The following ANKRD11 variants were observed in gnomAD, a reference collection of about 807,000 sequenced individuals.
ANKRD11 encodes the protein ankyrin repeat domain 11, also known as ankyrin repeat domain-containing protein 11.
ANKRD11 carries 17 observed loss-of-function variants against 195.7 expected under a neutral mutation model. The ratio of observed to expected loss-of-function variants is 0.09; its 90% CI spans 0.06 to 0.13. ANKRD11 has a LOEUF of 0.13. Among genes scored for constraint, ANKRD11 ranks in the 10% least tolerant of loss-of-function variants. ANKRD11 has a pLI of 1.00. For synonymous variants in ANKRD11, 1,953 were observed against 1,528.1 expected (o/e 1.28, Z -6.49); for missense variants, 3,735 against 3,566.1 (o/e 1.05, Z -1.21).
At chr16:89,277,314 G>A (rs1056760016) in intron 9 of ANKRD11, among the ~76,000 whole-genome samples, 1 of 152,186 alleles carries the variant, frequency 6.6e-6, no homozygotes, top group Non-Finnish European at 1.5e-5. Context: ...AGCTACAGCA[G>A]GAGCTGTGCC....
At chr16:89,360,275 G>A (rs901993350) in intron 2 of ANKRD11, among the ~76,000 whole-genome samples, 1 of 152,050 alleles carries the variant, frequency 6.6e-6, no homozygotes, top group African/African-American at 2.4e-5. Flanking sequence ...ATCTTATTTT[G>A]TATTAGGGAT....
At chr16:89,458,592 A>C (rs946251002) in intron 1 of ANKRD11, among the ~76,000 whole-genome samples, 6 of 152,158 alleles carry the variant, frequency 3.9e-5, no homozygotes, top group Admixed American at 3.9e-4. Context: ...TTCACTCATG[A>C]TTTTGCAGTT....
intron 2 of ANKRD11, among the ~76,000 whole-genome samples, chr16:89,336,472 G>A (rs944389500): frequency 6.6e-6 from 1 of 152,260 alleles, no homozygotes; most frequent in East Asian, 1.9e-4. Context: ...GGAGGGGCCA[G>A]ACGGAGTCCA....
intron 2 of ANKRD11, among the ~76,000 whole-genome samples, chr16:89,329,209 G>C (rs1056439646): frequency 1.3e-5 from 2 of 152,226 alleles, no homozygotes; most frequent in Non-Finnish European, 2.9e-5. Flanking sequence ...CATGTCTGTC[G>C]GTGGCTGTCG....
intron 3 of ANKRD11, among the ~76,000 whole-genome samples, chr16:89,313,892 C>T (rs1738028377): frequency 6.6e-6 from 1 of 152,196 alleles, no homozygotes; most frequent in Non-Finnish European, 1.5e-5. Flanking sequence ...TGTCTGCCTC[C>T]ATGAGGAAAA....
At chr16:89,418,981 C>G (rs1251030404) in intron 1 of ANKRD11, among the ~76,000 whole-genome samples, 2 of 151,992 alleles carry the variant, frequency 1.3e-5, no homozygotes, top group East Asian at 3.9e-4. Flanking sequence ...CTCGGCCTTC[C>G]AAAGTGTTAG....
chr16:89,435,795 T>TACACAC (rs981045046), intron 1 of ANKRD11, among the ~76,000 whole-genome samples: 2 of 74,324 alleles, frequency 2.7e-5, no homozygotes, highest in African/African-American at 4.8e-5. Flanking sequence ...CCACCAGCTC[T>TACACAC]TCACACACAC....
intron 1 of ANKRD11, among the ~76,000 whole-genome samples, chr16:89,444,076 T>C (rs2043664959): frequency 1.3e-5 from 2 of 152,152 alleles, no homozygotes; most frequent in African/African-American, 2.4e-5. Flanking sequence ...AAAGTTCAAA[T>C]CTGAAATAAA....
At chr16:89,270,742 G>T (rs1013434692) in intron 12 of ANKRD11, 75 bp downstream of exon 12, 3 of 1,453,500 alleles carry the variant, frequency 2.1e-6, no homozygotes, top group Non-Finnish European at 2.9e-6. Context: ...CAGCGCAAAG[G>T]GGGTTGTCAC....
At position 89,279,714 on chromosome 16, in the gene ANKRD11, C is replaced by T. The variant is rs764436784; in HGVS notation, c.6828G>A (p.Pro2276=). 7.9e-5 allele frequency: 120 copies of T among 1,526,952 alleles called. 1 individual carries two copies. The highest frequency in any genetic ancestry group is 7.2e-4 in the South Asian group (60 of 83,128). The allele number at this position is 1,526,952 out of a possible 1,614,324, so 94.6% of individuals were successfully genotyped here. Residue 2276 remains proline (P), a synonymous_variant, in exon 9 of 13, where the codon CCG becomes CCA. Transcript: ENST00000301030. The surrounding 1 kb of genome is among the most constrained non-coding windows in gnomAD (Gnocchi z 5.6). ...CGGCCTGAGCTTGTGCCACAGTGTT[C>T]GGGGCGGGGCCGTCAGGGGCACAGA... The part of the protein sequence containing the change: ...ASLCAPDGPA[P]NTVAQAQAAD...
In ANKRD11 at chr16:89,270,918, A is replaced by G. The variant is rs759061615; in HGVS notation, c.7714-9T>C. On this transcript the variant is annotated splice_polypyrimidine_tract_variant and intron_variant, in intron 11 of 12. Transcript: ENST00000301030. Reference sequence around the variant, plus strand: ...GACTTGTTCTCGTCACCCTGTGGAAACCAAACACGGGAGTTTCATCAGGAG... The same window carrying G: ...GACTTGTTCTCGTCACCCTGTGGAAGCCAAACACGGGAGTTTCATCAGGAG... 4 of 1,613,884 alleles carry G rather than the reference A, an allele frequency of 2.5e-6. No individual in the cohort carries two copies. The highest frequency in any genetic ancestry group is 2.7e-5 in the African/African-American group (2 of 75,034).
chr16:89,440,596 A>C (rs1341755638), intron 1 of ANKRD11, among the ~76,000 whole-genome samples: 4 of 152,214 alleles, frequency 2.6e-5, no homozygotes, highest in Non-Finnish European at 5.9e-5. Context: ...CCTGGATGAC[A>C]CGACAAAACT....
intron 4 of ANKRD11, among the ~76,000 whole-genome samples, chr16:89,304,514 A>ACACACAAG (rs2036051381): frequency 6.6e-6 from 1 of 151,188 alleles, no homozygotes; most frequent in South Asian, 2.1e-4. Flanking sequence ...ATACACAGGC[A>ACACACAAG]CACATACAGG....
intron 1 of ANKRD11, among the ~76,000 whole-genome samples, chr16:89,441,775 A>AC (rs1439531913): frequency 9.7e-6 from 1 of 103,086 alleles, no homozygotes; most frequent in African/African-American, 2.9e-5. Context: ...TACAAAAAAA[A>AC]AAAAAAAAAA....
In ANKRD11 at chr16:89,284,140, TTTTC is replaced by T. The variant is rs797045027; in HGVS notation, c.2398_2401del (p.Glu800AsnfsTer62). 2 of 1,606,956 alleles carry T rather than the reference TTTTC, an allele frequency of 1.2e-6. No individual in the cohort carries two copies. The highest frequency in any genetic ancestry group is 1.7e-6 in the Non-Finnish European group (2 of 1,177,950). On this transcript the variant is annotated frameshift_variant, in exon 9 of 13. Transcript: ENST00000301030. LOFTEE classifies it high-confidence loss of function. ...CCTATAAACCTTTTCTTTTTTGAGT[TTTTC>T]TTTATCTTCTTTAAAAATCTTCTCC... is the stretch of plus-strand genomic sequence containing the variant.
intron 2 of ANKRD11, among the ~76,000 whole-genome samples, chr16:89,407,852 CAAAAAAAAAAAAA>C (rs60723753): frequency 7.2e-5 from 8 of 111,440 alleles, no homozygotes; most frequent in Admixed American, 1.0e-4. Flanking sequence ...TGTCTCCCTC[CAAAAAAAAAAAAA>C]AAAAAAAAGA....
intron 1 of ANKRD11, among the ~76,000 whole-genome samples, chr16:89,440,005 A>C (rs2043377599): frequency 6.6e-6 from 1 of 152,140 alleles, no homozygotes; most frequent in South Asian, 2.1e-4. Context: ...TTAACTCCAT[A>C]ATCTGTGACT....
intron 4 of ANKRD11, among the ~76,000 whole-genome samples, chr16:89,302,055 T>C (rs946170777): frequency 1.1e-4 from 16 of 152,206 alleles, no homozygotes; most frequent in Non-Finnish European, 2.1e-4. Flanking sequence ...AAGAGTCTCT[T>C]GTCTGTCACG....
chr16:89,366,962 G>C (rs911970330), intron 2 of ANKRD11, among the ~76,000 whole-genome samples: 33 of 152,318 alleles, frequency 2.2e-4, no homozygotes, highest in Non-Finnish European at 4.0e-4. Context: ...CAGACCCACA[G>C]GCTGGATTAG....
Sources: gnomAD v4.1 joint callset for allele counts (sites outside exome capture counted in the v4.1 genomes callset) on GRCh38, gnomAD v4.1.1 for gene constraint, Gnocchi (gnomAD v3.1) non-coding constraint, MANE v1.5 for transcripts, NCBI Gene and HGNC (gene_info 2026-07-23, HGNC 2026-07-21) for gene names.